PPM1D: variants seen among roughly 807,000 people sequenced by gnomAD.
PPM1D encodes protein phosphatase, Mg2+/Mn2+ dependent 1D.
Under a neutral mutation model 58.3 loss-of-function variants are expected in PPM1D, and 52 were observed. That is an observed-to-expected ratio of 0.89 (90% CI 0.71 to 1.12). PPM1D has a LOEUF of 1.12. Among genes scored for constraint, PPM1D ranks in the 50% most tolerant of loss-of-function variants. The probability of loss-of-function intolerance (pLI) is 0.00; values close to 1 mark genes in which losing one functional copy is unlikely to be tolerated. For missense variants in PPM1D, 564 were observed against 777.2 expected, an observed-to-expected ratio of 0.73 and a Z score of 3.26; for synonymous variants, 278 against 285.1, an observed-to-expected ratio of 0.98 and a Z score of 0.25.
intron 3 of PPM1D, among the ~76,000 whole-genome samples, chr17:60,638,384 T>A (rs1361747565): frequency 2.0e-5 from 3 of 152,110 alleles, no homozygotes; most frequent in African/African-American, 4.8e-5. Flanking sequence ...TTTTTTTTTT[T>A]ATGAGATGGA....
intron 4 of PPM1D, among the ~76,000 whole-genome samples, chr17:60,655,141 T>TTA (rs970321767): frequency 7.2e-5 from 11 of 151,884 alleles, no homozygotes; most frequent in East Asian, 1.9e-4. Flanking sequence ...CATTGACTGT[T>TTA]TATATATATA....
intron 1 of PPM1D, among the ~76,000 whole-genome samples, chr17:60,609,744 T>C (rs754569550): frequency 2.6e-5 from 4 of 152,214 alleles, no homozygotes; most frequent in Non-Finnish European, 4.4e-5. Context: ...GCAGTGTTTA[T>C]GTTCAAGTGA....
chr17:60,657,268 C>T (rs372563580), intron 5 of PPM1D, among the ~76,000 whole-genome samples: 1 of 152,134 alleles, frequency 6.6e-6, no homozygotes, highest in Non-Finnish European at 1.5e-5. Context: ...CTGAGGATAG[C>T]AGACGTTACA....
At chr17:60,656,468 G>T in intron 4 of PPM1D, 131 bp from the exon 5 acceptor site, 2 of 1,246,030 alleles carry the variant, frequency 1.6e-6, no homozygotes, top group African/African-American at 1.5e-5. Flanking sequence ...AAAAAAAAGA[G>T]AAAAGAAAAA....
chr17:60,600,845 A>G lies in PPM1D; in HGVS notation c.431A>G (p.Lys144Arg). The change falls in exon 1 of 6, where the codon AAA becomes AGA. Residue 144 changes from lysine to arginine, a missense_variant. Coordinates refer to ENST00000305921, the MANE Select transcript of PPM1D (RefSeq NM_003620.4). ...EPAKVCAAIR[K>R]GFLACHLAMW... ...GCTAAGGTTTGCGCTGCCATCCGCA[A>G]AGGCTTTCTCGCTTGTCACCTTGCC... 5.6e-6 allele frequency: 9 copies of G among 1,613,076 alleles called. No homozygotes were observed. The highest frequency in any genetic ancestry group is 1.3e-5 in the African/African-American group (1 of 75,060).
chr17:60,647,481 A>G (rs2031270146), intron 3 of PPM1D, among the ~76,000 whole-genome samples: 2 of 152,174 alleles, frequency 1.3e-5, no homozygotes, highest in African/African-American at 4.8e-5. Context: ...TTTTCCATGT[A>G]TAAATGAAAT....
At position 60,656,857 on chromosome 17, in the gene PPM1D, G is replaced by A; in HGVS notation, c.1260+16G>A. 1 of 1,613,446 alleles carries A rather than the reference G, an allele frequency of 6.2e-7. No homozygotes were observed. The highest frequency in any genetic ancestry group is 8.5e-7 in the Non-Finnish European group (1 of 1,179,810). On this transcript the variant is annotated intron_variant, in intron 5 of 5. Coordinates refer to ENST00000305921, the MANE Select transcript of PPM1D (RefSeq NM_003620.4). Reference sequence around the variant, plus strand: ...ACCAGTCAAGGTATATAGTTCCATAGTTTTTAAGTTATGTTTTAATAGACA... The same window carrying A: ...ACCAGTCAAGGTATATAGTTCCATAATTTTTAAGTTATGTTTTAATAGACA...
chr17:60,604,704 C>T (rs1360002126), intron 1 of PPM1D: 2 of 152,074 alleles, frequency 1.3e-5, no homozygotes, highest in East Asian at 3.8e-4. Context: ...TTACAGTGAA[C>T]CATGATGGAG....
Position 60,600,364 on chromosome 17 carries a change from C to T in PPM1D, c.-51C>T, listed in dbSNP as rs1053891320. 9 of 1,536,856 alleles carry T rather than the reference C, an allele frequency of 5.9e-6. No individual in the cohort carries two copies. The highest frequency in any genetic ancestry group is 2.5e-5 in the East Asian group (1 of 39,828). On this transcript the variant is annotated 5_prime_UTR_variant, in exon 1 of 6. Coordinates refer to ENST00000305921, the MANE Select transcript of PPM1D (RefSeq NM_003620.4). ...GGCGAGCGCCTAGTGTGTCTCCCGC[C>T]GCCGGATTCGGCGGGCTGCGTGGGA...
chr17:60,626,786 C>CT (rs762377806), intron 2 of PPM1D, among the ~76,000 whole-genome samples: 1 of 152,108 alleles, frequency 6.6e-6, no homozygotes, highest in Non-Finnish European at 1.5e-5. Context: ...TCAAGCGATC[C>CT]TCCCACCTTG....
At chr17:60,658,976 AT>A (rs2031485510) in intron 5 of PPM1D, among the ~76,000 whole-genome samples, 1 of 150,992 alleles carries the variant, frequency 6.6e-6, no homozygotes, top group Non-Finnish European at 1.5e-5. Flanking sequence ...AATAATAATA[AT>A]AATTCTGATA....
At chr17:60,610,312 C>G (rs1249862784) in intron 1 of PPM1D, among the ~76,000 whole-genome samples, 2 of 152,060 alleles carry the variant, frequency 1.3e-5, no homozygotes, top group African/African-American at 4.8e-5. Context: ...GGGTACTACT[C>G]TATTCTTCTG....
intron 1 of PPM1D, among the ~76,000 whole-genome samples, chr17:60,602,210 G>A (rs2030229251): frequency 6.6e-6 from 1 of 152,176 alleles, no homozygotes; most frequent in Non-Finnish European, 1.5e-5. Context: ...GCACCGTAGA[G>A]CTGAAAGCAC....
At chr17:60,621,010 C>T (rs896618371) in intron 1 of PPM1D, among the ~76,000 whole-genome samples, 1 of 152,040 alleles carries the variant, frequency 6.6e-6, no homozygotes, top group Admixed American at 6.5e-5. Flanking sequence ...GCAACCTCCA[C>T]CTCCAAGGTT....
At chr17:60,655,388 G>A (rs1274079928) in intron 4 of PPM1D, among the ~76,000 whole-genome samples, 3 of 152,132 alleles carry the variant, frequency 2.0e-5, no homozygotes, top group Admixed American at 6.5e-5. Flanking sequence ...TCGCTCTGTC[G>A]CCCAGGCGGG....
In PPM1D at chr17:60,656,597, A is replaced by G. The variant is rs1337318138; in HGVS notation, c.1018-2A>G. On this transcript the variant is annotated splice_acceptor_variant, in intron 4 of 5. Coordinates refer to ENST00000305921, the MANE Select transcript of PPM1D (RefSeq NM_003620.4). LOFTEE classifies it high-confidence loss of function. ...TCCTTCTCCTTGTTCTTTTGAATACAGGGTGAGCATGGACAATCTTGTGCC... is the reference window on the plus strand; with the variant it reads ...TCCTTCTCCTTGTTCTTTTGAATACGGGGTGAGCATGGACAATCTTGTGCC... 6.2e-7 allele frequency: 1 copy of G among 1,613,224 alleles called. No homozygotes were observed. The highest frequency in any genetic ancestry group is 1.1e-5 in the South Asian group (1 of 91,040).
intron 4 of PPM1D, among the ~76,000 whole-genome samples, chr17:60,648,941 T>G (rs1342076876): frequency 1.3e-5 from 2 of 151,814 alleles, no homozygotes; most frequent in Non-Finnish European, 2.9e-5. Context: ...TTTTTTGTAT[T>G]TTTAGTAGAG....
intron 4 of PPM1D, among the ~76,000 whole-genome samples, chr17:60,652,558 T>G (rs1342819657): frequency 6.9e-6 from 1 of 145,400 alleles, no homozygotes; most frequent in Non-Finnish European, 1.5e-5. Flanking sequence ...CTGTTTTTTT[T>G]TTTTTTTTTT....
intron 1 of PPM1D, among the ~76,000 whole-genome samples, chr17:60,607,358 C>G (rs1324248799): frequency 6.6e-6 from 1 of 152,196 alleles, no homozygotes; most frequent in African/African-American, 2.4e-5. Context: ...TCTCAGCTCA[C>G]TGCAACCTCC....
Sources: allele counts gnomAD v4.1 joint callset (sites outside exome capture counted in the v4.1 genomes callset), GRCh38; gene constraint gnomAD v4.1.1; transcripts MANE v1.5; gene names NCBI Gene and HGNC (gene_info 2026-07-23, HGNC 2026-07-21).